CLMN: variants seen among roughly 807,000 people sequenced by gnomAD.
CLMN encodes calmin.
In CLMN, 57 loss-of-function variants were observed where a neutral mutation model predicts 92.7. That is an observed-to-expected ratio of 0.61 (90% CI 0.50 to 0.77). The LOEUF (loss-of-function observed/expected upper bound fraction) is 0.77, where lower values mean the gene tolerates loss of function less well. Among genes scored for constraint, CLMN ranks in the 30% least tolerant of loss-of-function variants. CLMN has a pLI of 0.00. For missense variants in CLMN, 1,158 were observed against 1,237.5 expected (o/e 0.94, Z 0.96); for synonymous variants, 466 against 470.6 (o/e 0.99, Z 0.13).
chr14:95,313,164 C>T (rs149559832), intron 1 of CLMN, among the ~76,000 whole-genome samples: 1 of 152,314 alleles, frequency 6.6e-6, no homozygotes, highest in East Asian at 1.9e-4. Context: ...CAAGATCACA[C>T]CATTGCACTC....
intron 1 of CLMN, among the ~76,000 whole-genome samples, chr14:95,261,111 C>T (rs141257804): frequency 4.0e-5 from 6 of 151,338 alleles, no homozygotes; most frequent in African/African-American, 7.3e-5. Context: ...CCGCAAGGAA[C>T]GTCAGAGCCT....
Position 95,294,682 on chromosome 14 carries a change from T to TC in CLMN, c.82+25028dup, listed in dbSNP as rs1240091624. On this transcript the variant is annotated intron_variant, in intron 1 of 12. Coordinates refer to ENST00000298912, the MANE Select transcript of CLMN (RefSeq NM_024734.4). This position sits in a 1 kb window ranked among gnomAD's most constrained non-coding sequence, Gnocchi z 4.2. ...TCCTTTGCACACCCCTCCTCCTACT[T>TC]CATCTTCCTTTCTCTCCCTGCCCTG... Among the ~76,000 whole-genome samples the TC allele has an allele frequency of 6.6e-6, 1 of 152,174 alleles. No individual in the cohort carries two copies. Among genetic ancestry groups the TC allele is most frequent in the Non-Finnish European group, 1.5e-5 (1 of 68,028 alleles).
Position 95,186,388 on chromosome 14 carries a change from G to A in CLMN, c.*5176C>T, listed in dbSNP as rs559494691. The A allele has an allele frequency of 2.0e-5, 3 of 152,330 alleles. No individual in the cohort carries two copies. The highest frequency in any genetic ancestry group is 4.8e-5 in the African/African-American group (2 of 41,552). 9.4% of individuals were successfully genotyped at this position (152,330 alleles called of 1,614,324 possible). A position where few individuals can be genotyped will look rare whatever the true frequency, so the allele number is the denominator to read the frequency against. ...GGTGGCTGCCCGAGGGGCAGCAAGA[G>A]TGTCCTGCTTCTGAGCCTTGGTGGG... On this transcript the variant is annotated 3_prime_UTR_variant, in exon 13 of 13. Coordinates refer to ENST00000298912, the MANE Select transcript of CLMN (RefSeq NM_024734.4).
At chr14:95,304,682 A>G (rs1365848032) in intron 1 of CLMN, among the ~76,000 whole-genome samples, 1 of 152,126 alleles carries the variant, frequency 6.6e-6, no homozygotes, top group African/African-American at 2.4e-5. Flanking sequence ...GATTGTACAG[A>G]TTGTTGTACA....
intron 1 of CLMN, among the ~76,000 whole-genome samples, chr14:95,276,286 G>A (rs1899923385): frequency 6.6e-6 from 1 of 152,224 alleles, no homozygotes; most frequent in African/African-American, 2.4e-5. Context: ...GGGATGAGAG[G>A]TCCTCTTGGT....
intron 1 of CLMN, among the ~76,000 whole-genome samples, chr14:95,298,369 C>A (rs1900901052): frequency 6.6e-6 from 1 of 152,188 alleles, no homozygotes; most frequent in Admixed American, 6.5e-5. Flanking sequence ...GAAGGGCATC[C>A]TCTTTAGCCA....
At chr14:95,251,037 C>G (rs947038626) in intron 1 of CLMN, among the ~76,000 whole-genome samples, 1 of 152,138 alleles carries the variant, frequency 6.6e-6, no homozygotes, top group African/African-American at 2.4e-5. Context: ...CCACCTGGAG[C>G]CAAACATCAC....
At chr14:95,309,485 C>A (rs2140794433) in intron 1 of CLMN, among the ~76,000 whole-genome samples, 1 of 152,336 alleles carries the variant, frequency 6.6e-6, no homozygotes, top group East Asian at 1.9e-4. Context: ...CACGACGATG[C>A]CACCCTCTTT....
In CLMN at chr14:95,186,000, A is replaced by G. The variant is rs909944200; in HGVS notation, c.*5564T>C. On this transcript the variant is annotated 3_prime_UTR_variant, in exon 13 of 13. Coordinates refer to ENST00000298912, the MANE Select transcript of CLMN (RefSeq NM_024734.4). Reference sequence around the variant, plus strand: ...GACTTTTGTTGGAGAGATGAGCTCCATGGTGTTCTGAGTCCCTAGCGATGG... The same window carrying G: ...GACTTTTGTTGGAGAGATGAGCTCCGTGGTGTTCTGAGTCCCTAGCGATGG... The G allele has an allele frequency of 2.0e-5, 3 of 152,220 alleles. No homozygotes were observed. The highest frequency in any genetic ancestry group is 4.8e-5 in the African/African-American group (2 of 41,442). The allele number at this position is 152,220 out of a possible 1,614,324, so 9.4% of individuals were successfully genotyped here.
At chr14:95,251,181 G>A (rs1898770168) in intron 1 of CLMN, among the ~76,000 whole-genome samples, 2 of 152,168 alleles carry the variant, frequency 1.3e-5, no homozygotes, top group African/African-American at 2.4e-5. Context: ...CAAAGGCAAC[G>A]TCCATCTTCT....
intron 1 of CLMN, among the ~76,000 whole-genome samples, chr14:95,234,109 G>A (rs1165391459): frequency 1.3e-5 from 2 of 152,166 alleles, no homozygotes; most frequent in East Asian, 1.9e-4. Flanking sequence ...CTGGCTGGGC[G>A]ACCTTGGGCA....
Position 95,203,816 on chromosome 14 carries a change from A to G in CLMN, c.1533T>C (p.Ala511=). ...NNSQSSSCNG[A]LESTARHDEE... is the part of the protein sequence containing the mutation. ...CATCGTGGCGGGCTGTACTCTCTAA[A>G]GCACCATTACAGGAAGAAGACTGAG... Residue 511 remains alanine, a synonymous_variant, in exon 9 of 13, where the codon GCT becomes GCC. Coordinates refer to ENST00000298912, the MANE Select transcript of CLMN (RefSeq NM_024734.4). The G allele has an allele frequency of 6.2e-7, 1 of 1,614,228 alleles. No homozygotes were observed. The highest frequency in any genetic ancestry group is 8.5e-7 in the Non-Finnish European group (1 of 1,180,040).
intron 12 of CLMN, chr14:95,193,213 T>G (rs756519089): frequency 5.5e-6 from 4 of 721,656 alleles, no homozygotes; most frequent in Non-Finnish European, 9.4e-6. Flanking sequence ...CTCAGAATTG[T>G]AAGAATTTGA....
At chr14:95,245,262 T>TATA (rs1898495696) in intron 1 of CLMN, among the ~76,000 whole-genome samples, 1 of 42,994 alleles carries the variant, frequency 2.3e-5, no homozygotes, top group African/African-American at 1.4e-4. Flanking sequence ...ATAATATATA[T>TATA]ATATATATTA....
chr14:95,254,892 G>A (rs1023459231), intron 1 of CLMN, among the ~76,000 whole-genome samples: 1 of 152,092 alleles, frequency 6.6e-6, no homozygotes, highest in Non-Finnish European at 1.5e-5. Context: ...ACAGGGTCTC[G>A]CTATGTTGAC....
In CLMN at chr14:95,223,762, G is replaced by C. The variant is rs745851742; in HGVS notation, c.238C>G (p.Leu80Val). The C allele has an allele frequency of 1.2e-6, 2 of 1,611,638 alleles. No homozygotes were observed. Among genetic ancestry groups the C allele is most frequent in the Non-Finnish European group, 1.7e-6 (2 of 1,178,680 alleles). ...ALLEVLSGRN[L>V]LHEYKSSSHR... ...TGACCCTTCTGTAACATACGTACCA[G>C]ATTCCGCCCAGACAGGACTTCTAAC... Residue 80 changes from leucine (L) to valine (V), a missense_variant and splice_region_variant, in exon 3 of 13, where the codon CTG (leucine) becomes GTG (valine). Physicochemically the swap from Leu to Val is conservative, Grantham distance 32 (BLOSUM62 1). Coordinates refer to ENST00000298912, the MANE Select transcript of CLMN (RefSeq NM_024734.4).
rs770393982 is a variant in CLMN at position 95,230,125 on chromosome 14, C to T, written c.91G>A (p.Glu31Lys). 9 of 1,614,146 alleles carry T rather than the reference C, an allele frequency of 5.6e-6. No homozygotes were observed. The highest frequency in any genetic ancestry group is 2.7e-5 in the African/African-American group (2 of 75,060). Reference sequence around the variant, plus strand: ...GTAAAGGTCCTCTTCTGCACATTTTCCCTCTCAACTGAAAACAAAGACATA... The same window carrying T: ...GTAAAGGTCCTCTTCTGCACATTTTTCCTCTCAACTGAAAACAAAGACATA... The part of the protein sequence containing the change: ...IRVQNLQVER[E>K]NVQKRTFTRW... Residue 31 changes from glutamate to lysine, a missense_variant, in exon 2 of 13, where the codon GAA (glutamate) becomes AAA (lysine). Coordinates refer to ENST00000298912, the MANE Select transcript of CLMN (RefSeq NM_024734.4).
intron 1 of CLMN, among the ~76,000 whole-genome samples, chr14:95,297,795 A>G (rs1900868432): frequency 1.4e-5 from 2 of 145,998 alleles, no homozygotes; most frequent in South Asian, 2.2e-4. Flanking sequence ...GTTTTTGGCT[A>G]TTATGAATAT....
intron 1 of CLMN, among the ~76,000 whole-genome samples, chr14:95,231,461 G>C (rs1897887263): frequency 6.6e-6 from 1 of 152,110 alleles, no homozygotes; most frequent in Non-Finnish European, 1.5e-5. Flanking sequence ...GCCTCCCAAA[G>C]TACTGGGATT....
Sources: gnomAD v4.1 joint callset for allele counts (sites outside exome capture counted in the v4.1 genomes callset) on GRCh38, gnomAD v4.1.1 for gene constraint, Gnocchi (gnomAD v3.1) non-coding constraint, MANE v1.5 for transcripts, NCBI Gene and HGNC (gene_info 2026-07-23, HGNC 2026-07-21) for gene names.